Variants in RPGRIP1L observed in about 807,000 individuals in gnomAD.
RPGRIP1L encodes the protein protein fantom.
RPGRIP1L carries 131 observed loss-of-function variants against 160.4 expected under a neutral mutation model. That is an observed-to-expected ratio of 0.82 (90% CI 0.71 to 0.94). The LOEUF (loss-of-function observed/expected upper bound fraction) is 0.94. Among genes scored for constraint, RPGRIP1L ranks in the 40% least tolerant of loss-of-function variants. The probability of loss-of-function intolerance (pLI) is 0.00; values close to 1 mark genes in which losing one functional copy is unlikely to be tolerated. For synonymous variants in RPGRIP1L, 510 were observed against 515.8 expected (o/e 0.99, Z 0.15); for missense variants, 1,522 against 1,535.8 (o/e 0.99, Z 0.15).
At chr16:53,640,362 C>A (rs1966126816) in intron 19 of RPGRIP1L, among the ~76,000 whole-genome samples, 1 of 152,034 alleles carries the variant, frequency 6.6e-6, no homozygotes, top group Admixed American at 6.6e-5. Flanking sequence ...GCAGTGAGGT[C>A]TAGACTAAAG....
Position 53,611,067 on chromosome 16 carries a change from A to T in RPGRIP1L, c.3617-16T>A. ...ACGTAGATCACTATACCAAAAGAAA[A>T]AAAAATGCCAAAAAGGAAGTCACTC... is the stretch of plus-strand genomic sequence containing the variant. On this transcript the variant is annotated splice_polypyrimidine_tract_variant and intron_variant, in intron 24 of 26. Transcript: ENST00000647211. 1 of 1,566,964 alleles carries T rather than the reference A, an allele frequency of 6.4e-7. No homozygotes were observed. The highest frequency in any genetic ancestry group is 1.7e-5 in the Admixed American group (1 of 59,944).
At chr16:53,645,228 A>G (rs552538791) in intron 17 of RPGRIP1L, among the ~76,000 whole-genome samples, 148 of 152,244 alleles carry the variant, frequency 9.7e-4, no homozygotes, top group South Asian at 1.7e-3. Flanking sequence ...TTTAAAGAAT[A>G]TAAGATTTTA....
rs1968101689 is a variant in RPGRIP1L at position 53,664,881 on chromosome 16, T to C, written c.1232A>G (p.Lys411Arg). ...TATTTCAAATGTACCTCTTTCAGTT[T>C]TTAATCTGTCAAGGATTTCAGTTTT... Reference protein sequence around the residue: ...TDKTEILDRLKTERDQNEKLV... With the variant: ...TDKTEILDRLRTERDQNEKLV... The change falls in exon 10 of 27, where the codon AAA becomes AGA. Residue 411 changes from lysine to arginine, a missense_variant. Transcript: ENST00000647211. The C allele has an allele frequency of 1.2e-6, 2 of 1,610,890 alleles. No homozygotes were observed. The highest frequency in any genetic ancestry group is 1.7e-6 in the Non-Finnish European group (2 of 1,179,868).
chr16:53,698,472 C>T (rs1433146276), intron 2 of RPGRIP1L, among the ~76,000 whole-genome samples: 3 of 148,116 alleles, frequency 2.0e-5, no homozygotes, highest in African/African-American at 5.1e-5. Flanking sequence ...CCCGGCCAGC[C>T]GCCCCGTCCA....
chr16:53,682,517 T>C (rs1969684847), intron 6 of RPGRIP1L, among the ~76,000 whole-genome samples: 1 of 152,186 alleles, frequency 6.6e-6, no homozygotes, highest in African/African-American at 2.4e-5. Context: ...AGCTCCTAAA[T>C]GATTACATCC....
chr16:53,678,467 G>A (rs1334971191), intron 6 of RPGRIP1L, among the ~76,000 whole-genome samples: 1 of 152,192 alleles, frequency 6.6e-6, no homozygotes, highest in African/African-American at 2.4e-5. Flanking sequence ...GCTATGTAAT[G>A]TATAGTCTAA....
intron 24 of RPGRIP1L, among the ~76,000 whole-genome samples, chr16:53,615,472 A>ATATT (rs1343321461): frequency 5.3e-5 from 4 of 75,082 alleles, no homozygotes; most frequent in Non-Finnish European, 9.6e-5. Context: ...ATATATATAT[A>ATATT]TTTTTTTTTT....
Position 53,648,620 on chromosome 16 carries a change from G to GCA in RPGRIP1L, c.2304+343_2304+344insTG, listed in dbSNP as rs1329861075. On this transcript the variant is annotated intron_variant, in intron 16 of 26. Transcript: ENST00000647211. ...CACATATACGTACGCGCGTGCGCGC[G>GCA]CGCGCGCACACACACACACACACAC... is the stretch of plus-strand genomic sequence containing the variant. Among the ~76,000 whole-genome samples, 586 of 62,460 alleles carry GCA rather than the reference G, an allele frequency of 9.4e-3. 6 individuals carry two copies. The highest frequency in any genetic ancestry group is 0.026 in the African/African-American group (538 of 20,888). 41.0% of individuals were successfully genotyped at this position (62,460 alleles called of 152,430 possible).
chr16:53,690,216 G>A (rs1422161551), intron 4 of RPGRIP1L, among the ~76,000 whole-genome samples: 1 of 151,968 alleles, frequency 6.6e-6, no homozygotes, highest in Non-Finnish European at 1.5e-5. Context: ...ATTTATTTTT[G>A]AGACTTAGTC....
intron 17 of RPGRIP1L, among the ~76,000 whole-genome samples, chr16:53,644,294 G>C (rs1966415221): frequency 6.6e-6 from 1 of 152,104 alleles, no homozygotes; most frequent in Non-Finnish European, 1.5e-5. Context: ...CTGAAGAATG[G>C]GAGGAAAAAT....
chr16:53,624,535 C>T (rs753243292), intron 22 of RPGRIP1L, among the ~76,000 whole-genome samples: 1 of 150,772 alleles, frequency 6.6e-6, no homozygotes, highest in Non-Finnish European at 1.5e-5. Context: ...CAGAGCGAGA[C>T]TCCACCTAAA....
At chr16:53,609,602 G>A (rs986771740) in intron 25 of RPGRIP1L, among the ~76,000 whole-genome samples, 3 of 152,218 alleles carry the variant, frequency 2.0e-5, no homozygotes, top group East Asian at 1.9e-4. Context: ...CTACTGAATC[G>A]CAGCCCAGGA....
Position 53,652,770 on chromosome 16 carries a change from A to G in RPGRIP1L, c.1917T>C (p.Asp639=). 2 of 1,614,190 alleles carry G rather than the reference A, an allele frequency of 1.2e-6. No individual in the cohort carries two copies. The highest frequency in any genetic ancestry group is 1.7e-6 in the Non-Finnish European group (2 of 1,180,008). The change falls in exon 15 of 27, where the codon GAT becomes GAC. Residue 639 remains aspartate, a synonymous_variant. Transcript: ENST00000647211. ...PVTFCTYAFY[D]FELQTTPVVR... is the part of the protein sequence containing the mutation. ...CTACGGGAGTTGTCTGTAGTTCAAAATCATAGAAAGCATAGGTACAGAAAG... is the reference window on the plus strand; with the variant it reads ...CTACGGGAGTTGTCTGTAGTTCAAAGTCATAGAAAGCATAGGTACAGAAAG...
In RPGRIP1L at chr16:53,600,919, C is replaced by A. The variant is rs1173006846; in HGVS notation, c.*1157G>T. 4 of 152,580 alleles carry A rather than the reference C, an allele frequency of 2.6e-5. No individual in the cohort carries two copies. Among genetic ancestry groups the A allele is most frequent in the Admixed American group, 2.6e-4 (4 of 15,270 alleles). 9.5% of individuals were successfully genotyped at this position (152,580 alleles called of 1,614,324 possible). On this transcript the variant is annotated 3_prime_UTR_variant, in exon 27 of 27. Transcript: ENST00000647211. ...ATTACTTATCTCCCTGAATACTTTA[C>A]ATATGCTTAAGAAGGAACATAGCCT... is the stretch of plus-strand genomic sequence containing the variant.
intron 2 of RPGRIP1L, among the ~76,000 whole-genome samples, chr16:53,699,209 A>G (rs1169985940): frequency 6.6e-6 from 1 of 151,814 alleles, no homozygotes; most frequent in Non-Finnish European, 1.5e-5. Context: ...GTTAAGAGTC[A>G]TCACCACTCC....
chr16:53,627,171 G>A (rs1474246255), intron 22 of RPGRIP1L, among the ~76,000 whole-genome samples: 1 of 152,154 alleles, frequency 6.6e-6, no homozygotes, highest in Non-Finnish European at 1.5e-5. Context: ...CCATACTGGA[G>A]TTGAATTGTT....
chr16:53,635,151 CAGTT>C (rs1485688667), intron 22 of RPGRIP1L, among the ~76,000 whole-genome samples: 1 of 151,902 alleles, frequency 6.6e-6, no homozygotes, highest in Non-Finnish European at 1.5e-5. Context: ...TTTAGAGAAA[CAGTT>C]ATTTATTTTG....
chr16:53,690,950 G>C (rs1345256997), intron 4 of RPGRIP1L, among the ~76,000 whole-genome samples: 3 of 152,078 alleles, frequency 2.0e-5, no homozygotes, highest in Admixed American at 2.0e-4. Context: ...ACATAGCTAG[G>C]AGTAGCCAAG....
At position 53,619,017 on chromosome 16, in the gene RPGRIP1L, A is replaced by G; in HGVS notation, c.3616+8T>C. On this transcript the variant is annotated splice_region_variant and intron_variant, in intron 24 of 26. Transcript: ENST00000647211. ...TAAAAGTCTATATTACAAATGAATC[A>G]TACATACCATTGCTATAGTTATAGT... is the stretch of plus-strand genomic sequence containing the variant. 1 of 1,602,492 alleles carries G rather than the reference A, an allele frequency of 6.2e-7. No individual in the cohort carries two copies.
Sources: gnomAD v4.1 joint callset for allele counts (sites outside exome capture counted in the v4.1 genomes callset) on GRCh38, gnomAD v4.1.1 for gene constraint, MANE v1.5 for transcripts, NCBI Gene and HGNC (gene_info 2026-07-23, HGNC 2026-07-21) for gene names.